The following NEBL variants were observed in gnomAD, a reference collection of about 807,000 sequenced individuals.
NEBL encodes nebulette, also known as LIM and SH3 protein 2.
In NEBL, 122 loss-of-function variants were observed where a neutral mutation model predicts 140.2. That is an observed-to-expected ratio of 0.87 (90% CI 0.75 to 1.01). NEBL has a LOEUF of 1.01. NEBL is among the 50% of genes least tolerant of loss of function. NEBL has a pLI of 0.00. For synonymous variants in NEBL, 436 were observed against 398.9 expected (o/e 1.09, Z -1.11); for missense variants, 1,365 against 1,231.3 (o/e 1.11, Z -1.62).
chr10:21,193,946 G>T (rs1188205278), intron 3 of NEBL, among the ~76,000 whole-genome samples: 1 of 152,100 alleles, frequency 6.6e-6, no homozygotes, highest in Non-Finnish European at 1.5e-5. Flanking sequence ...GAAGAATGTA[G>T]CTTCCCAAAA....
chr10:20,823,263 A>G lies in NEBL; in HGVS notation c.1907T>C (p.Ile636Thr). The G allele has an allele frequency of 6.2e-7, 1 of 1,609,684 alleles. No individual in the cohort carries two copies. The highest frequency in any genetic ancestry group is 8.5e-7 in the Non-Finnish European group (1 of 1,178,166). ...TCTCTTTAGTTCTGGAGGATCAGAA[A>G]TGGCTGTTGCATGTTTAATCTCTTC... ...YKEEIKHATA[I>T]SDPPELKRVK... Residue 636 changes from isoleucine to threonine, a missense_variant, in exon 19 of 28, where the codon ATT (isoleucine) becomes ACT (threonine). Around this residue, in one of 2 missense-constraint regions of NEBL, gnomAD observed 1,323 missense variants for 1,154.8 expected, o/e 1.15. Coordinates refer to ENST00000377122, the MANE Select transcript of NEBL (RefSeq NM_006393.3).
chr10:21,271,667 G>A (rs1018095277), intron 1 of NEBL, among the ~76,000 whole-genome samples: 11 of 151,352 alleles, frequency 7.3e-5, no homozygotes, highest in African/African-American at 2.7e-4. Flanking sequence ...CTGGGACAAT[G>A]GGCACCCGCC....
chr10:21,049,809 C>T (rs912225042), intron 2 of NEBL, among the ~76,000 whole-genome samples: 5 of 152,160 alleles, frequency 3.3e-5, no homozygotes, highest in Non-Finnish European at 5.9e-5. Flanking sequence ...AGAGGAAGGC[C>T]ACTTAGAGGC....
rs892037451 is a variant in NEBL at position 20,782,690 on chromosome 10, G to A, written c.*3057C>T. On this transcript the variant is annotated 3_prime_UTR_variant, in exon 28 of 28. Coordinates refer to ENST00000377122, the MANE Select transcript of NEBL (RefSeq NM_006393.3). The stretch of plus-strand genomic sequence containing the variant: ...GGTGTATGGAGGTCGAGGAGACCTG[G>A]GATCATCAAGAGCCTCCTCCATGGG... 2 of 152,142 alleles carry A rather than the reference G, an allele frequency of 1.3e-5. No homozygotes were observed. Among genetic ancestry groups the A allele is most frequent in the Non-Finnish European group, 2.9e-5 (2 of 68,046 alleles). 9.4% of individuals were successfully genotyped at this position (152,142 alleles called of 1,614,324 possible).
intron 3 of NEBL, among the ~76,000 whole-genome samples, chr10:21,180,421 G>C (rs1354685699): frequency 4.6e-5 from 7 of 152,168 alleles, no homozygotes; most frequent in Non-Finnish European, 1.5e-5. Flanking sequence ...TTAAAACAAA[G>C]TGGGTAAAAT....
chr10:21,280,976 A>G (rs368991609), intron 1 of NEBL, among the ~76,000 whole-genome samples: 8 of 152,274 alleles, frequency 5.3e-5, no homozygotes, highest in African/African-American at 1.9e-4. Context: ...ATCTGATGAT[A>G]TTGTATAGGA....
intron 26 of NEBL, among the ~76,000 whole-genome samples, chr10:20,789,968 TAC>T (rs1010292399): frequency 1.3e-5 from 2 of 150,180 alleles, no homozygotes; most frequent in Non-Finnish European, 3.0e-5. Context: ...TATATATATA[TAC>T]ACACACACAC....
chr10:21,241,508 C>T (rs980051931), intron 3 of NEBL, among the ~76,000 whole-genome samples: 1 of 152,188 alleles, frequency 6.6e-6, no homozygotes, highest in Non-Finnish European at 1.5e-5. Flanking sequence ...AGCAGTAACA[C>T]AACCATGGCT....
chr10:20,880,885 T>C lies in NEBL; in HGVS notation c.389A>G (p.His130Arg). 1 of 1,614,116 alleles carries C rather than the reference T, an allele frequency of 6.2e-7. No homozygotes were observed. The highest frequency in any genetic ancestry group is 8.5e-7 in the Non-Finnish European group (1 of 1,180,008). ...ATCTGAGAATCCTTTGGCAGCATCA[T>C]GTTTCTGCTTGTAGGCCACCTGAAA... ...LQSEVAYKQK[H>R]DAAKGFSDYA... Residue 130 changes from histidine to arginine, a missense_variant, in exon 5 of 28, where the codon CAT (histidine) becomes CGT (arginine). Transcript: ENST00000377122.
chr10:20,911,246 T>C (rs1284685213), intron 4 of NEBL, among the ~76,000 whole-genome samples: 1 of 152,138 alleles, frequency 6.6e-6, no homozygotes, highest in Non-Finnish European at 1.5e-5. Flanking sequence ...CATAAAATAC[T>C]CATAAACTCT....
intron 2 of NEBL, among the ~76,000 whole-genome samples, chr10:21,025,495 G>C (rs1838987975): frequency 6.6e-6 from 1 of 152,104 alleles, no homozygotes; most frequent in South Asian, 2.1e-4. Context: ...TTTTTTCTCT[G>C]TGAGATTCAG....
chr10:20,878,239 C>T (rs921922038), intron 5 of NEBL, among the ~76,000 whole-genome samples: 14 of 152,094 alleles, frequency 9.2e-5, no homozygotes, highest in Non-Finnish European at 7.4e-5. Context: ...AAGAGAGAGA[C>T]ATCTTGGTTC....
intron 3 of NEBL, among the ~76,000 whole-genome samples, chr10:20,974,252 C>CTTTTT (rs200215327): frequency 1.4e-5 from 2 of 140,980 alleles, no homozygotes; most frequent in East Asian, 2.1e-4. Flanking sequence ...AGTTTTTTTT[C>CTTTTT]TTTTTTTTTT....
At chr10:20,846,320 A>G (rs1210808635) in intron 11 of NEBL, among the ~76,000 whole-genome samples, 1 of 152,198 alleles carries the variant, frequency 6.6e-6, no homozygotes, top group East Asian at 1.9e-4. Flanking sequence ...TGAAATTGTT[A>G]TTCAGGCAAA....
chr10:21,051,416 AGTTAG>A (rs1834774789), intron 2 of NEBL, among the ~76,000 whole-genome samples: 1 of 152,224 alleles, frequency 6.6e-6, no homozygotes, highest in Non-Finnish European at 1.5e-5. Context: ...ATGTGGTTGA[AGTTAG>A]GTTGATATGA....
intron 7 of NEBL, among the ~76,000 whole-genome samples, chr10:20,862,246 A>G (rs1389511452): frequency 6.6e-6 from 1 of 152,250 alleles, no homozygotes; most frequent in Non-Finnish European, 1.5e-5. Context: ...AAATGTAATA[A>G]TAAGCATTGT....
intron 3 of NEBL, among the ~76,000 whole-genome samples, chr10:21,188,561 A>C (rs925141795): frequency 1.3e-5 from 2 of 151,976 alleles, no homozygotes; most frequent in Non-Finnish European, 2.9e-5. Context: ...ACATGCAAAA[A>C]TGAAATTTAA....
chr10:20,842,695 AAT>A (rs1215620985), intron 12 of NEBL, among the ~76,000 whole-genome samples: 2 of 152,062 alleles, frequency 1.3e-5, no homozygotes. Flanking sequence ...CAATCTAAAT[AAT>A]ATATCCATTA....
At position 21,211,684 on chromosome 10, in the gene NEBL, C is replaced by G. The variant is rs114671586; in HGVS notation, n.348+36237G>C. Among the ~76,000 whole-genome samples the G allele has an allele frequency of 8.2e-3, 1,255 of 152,202 alleles. 18 individuals are homozygous for G. The highest frequency in any genetic ancestry group is 0.029 in the African/African-American group (1,198 of 41,522). ...ACCCAGTTACGTCAACTTCAAAAAC[C>G]CGTCTGAGTCCTTTTGTAAAGGTAA... On this transcript the variant is annotated intron_variant and non_coding_transcript_variant, in intron 3 of 8. Coordinates refer to the NEBL transcript ENST00000675702.
Sources: allele counts gnomAD v4.1 joint callset (sites outside exome capture counted in the v4.1 genomes callset), GRCh38; gene constraint gnomAD v4.1.1; regional missense constraint gnomAD v4.1.1; transcripts MANE v1.5; gene names NCBI Gene and HGNC (gene_info 2026-07-23, HGNC 2026-07-21).